Variants in ANKRD17 observed in about 807,000 individuals in gnomAD.
ANKRD17 encodes ankyrin repeat domain-containing protein 17.
ANKRD17 carries 19 observed loss-of-function variants against 229.7 expected under a neutral mutation model. The ratio of observed to expected loss-of-function variants is 0.08; its 90% CI spans 0.06 to 0.12. The LOEUF is 0.12. ANKRD17 is among the 10% of genes least tolerant of loss of function. ANKRD17 has a pLI of 1.00. For missense variants in ANKRD17, 2,176 were observed against 3,176.8 expected (o/e 0.68, Z 7.57); for synonymous variants, 1,112 against 1,146.1 (o/e 0.97, Z 0.60).
chr4:73,171,178 G>GGGGGGA (rs1553928534), intron 2 of ANKRD17, among the ~76,000 whole-genome samples: 1 of 104,446 alleles, frequency 9.6e-6, no homozygotes, highest in African/African-American at 4.0e-5. Flanking sequence ...CTCAGAGGGG[G>GGGGGGA]GAGAGAGAGA....
In ANKRD17 at chr4:73,193,901, T is replaced by C. The variant is rs566614990; in HGVS notation, c.394-16368A>G. Among the ~76,000 whole-genome samples, 125 of 152,264 alleles carry C rather than the reference T, an allele frequency of 8.2e-4. 2 individuals carry two copies. Among genetic ancestry groups the C allele is most frequent in the Non-Finnish European group, 1.6e-3 (107 of 68,016 alleles). The stretch of plus-strand genomic sequence containing the variant: ...GACCCATGATTGCGACACTGCACTC[T>C]AGCCTGGGTGACAGAGTGAAACCTT... On this transcript the variant is annotated intron_variant, in intron 1 of 33. Coordinates refer to ENST00000358602, the MANE Select transcript of ANKRD17 (RefSeq NM_032217.5).
intron 16 of ANKRD17, among the ~76,000 whole-genome samples, chr4:73,133,327 A>G (rs531097770): frequency 5.9e-5 from 9 of 152,106 alleles, no homozygotes; most frequent in Non-Finnish European, 8.8e-5. Context: ...AGTTCAAACC[A>G]ATTCTACAAT....
chr4:73,251,096 C>T (rs570907342), intron 1 of ANKRD17, among the ~76,000 whole-genome samples: 61 of 152,100 alleles, frequency 4.0e-4, no homozygotes, highest in African/African-American at 1.3e-3. Context: ...CAAAGTGAGA[C>T]GCCATCTCTA....
intron 29 of ANKRD17, 101 bp from the exon 30 acceptor site, chr4:73,085,547 T>C: frequency 9.5e-7 from 1 of 1,053,962 alleles, no homozygotes; most frequent in Non-Finnish European, 1.4e-6. Context: ...AAAACTATTT[T>C]AGATAATTAA....
At chr4:73,080,244 A>G (rs1012700534) in intron 30 of ANKRD17, among the ~76,000 whole-genome samples, 1 of 152,204 alleles carries the variant, frequency 6.6e-6, no homozygotes, top group Non-Finnish European at 1.5e-5. Context: ...ATTCCAAATA[A>G]GCCTATTATA....
At chr4:73,226,133 G>A (rs1342363037) in intron 1 of ANKRD17, among the ~76,000 whole-genome samples, 4 of 150,774 alleles carry the variant, frequency 2.7e-5, no homozygotes, top group African/African-American at 4.9e-5. Context: ...GTGCCACCAC[G>A]CCCATCTAAC....
chr4:73,077,804 T>C (rs1256851319), intron 31 of ANKRD17, among the ~76,000 whole-genome samples: 6 of 152,082 alleles, frequency 3.9e-5, no homozygotes, highest in African/African-American at 4.8e-5. Flanking sequence ...GTCCTTAATA[T>C]GATGAAAGGA....
intron 1 of ANKRD17, among the ~76,000 whole-genome samples, chr4:73,215,612 G>A (rs914268618): frequency 4.6e-5 from 7 of 152,210 alleles, no homozygotes; most frequent in Admixed American, 2.0e-4. Context: ...ATTTTACTAT[G>A]ACCAATATTA....
Position 73,258,456 on chromosome 4 carries a change from GTGC to G in ANKRD17, c.210_212del (p.Gln70del). 6.2e-7 allele frequency: 1 copy of G among 1,607,634 alleles called. No homozygotes were observed. Among genetic ancestry groups the G allele is most frequent in the Admixed American group, 1.7e-5 (1 of 59,296 alleles). Reference sequence around the variant, plus strand: ...AAGTCCGGTTACGCTTGGCCTTGTGGTGCTGCTGCTGCGGCGGCTTCTTCTTCA... The same window carrying G: ...AAGTCCGGTTACGCTTGGCCTTGTGGTGCTGCTGCGGCGGCTTCTTCTTCA... On this transcript the variant is annotated inframe_deletion, in exon 1 of 34. Coordinates refer to ENST00000358602, the MANE Select transcript of ANKRD17 (RefSeq NM_032217.5).
intron 1 of ANKRD17, among the ~76,000 whole-genome samples, chr4:73,197,800 G>A (rs563645242): frequency 0.019 from 2,907 of 152,218 alleles, 94 homozygotes; most frequent in African/African-American, 0.066. Flanking sequence ...TTGGGCAACA[G>A]AGCAAGAGCC....
In ANKRD17 at chr4:73,120,914, A is replaced by G. The variant is rs1305944371; in HGVS notation, c.3816T>C (p.Leu1272=). 1 of 1,613,508 alleles carries G rather than the reference A, an allele frequency of 6.2e-7. No individual in the cohort carries two copies. The highest frequency in any genetic ancestry group is 1.1e-5 in the South Asian group (1 of 91,038). ...QGRTEVVSLL[L]DRKANVEHRA... is the part of the protein sequence containing the mutation. The stretch of plus-strand genomic sequence containing the variant: ...TGTGTTCAACATTTGCTTTTCTATC[A>G]AGCAGAAGACTAACCACTTCAGTTC... The change falls in exon 20 of 34, where the codon CTT becomes CTC. Residue 1272 remains leucine, a synonymous_variant. Transcript: ENST00000358602.
chr4:73,189,328 TTC>T (rs1329992457), intron 1 of ANKRD17, among the ~76,000 whole-genome samples: 2 of 151,838 alleles, frequency 1.3e-5, no homozygotes, highest in African/African-American at 4.8e-5. Context: ...TTTTTTCTGT[TTC>T]TCTGTCACAA....
chr4:73,161,299 T>C lies in ANKRD17; in HGVS notation c.597A>G (p.Glu199=), dbSNP rs1732493778. Residue 199 remains glutamate, a synonymous_variant, in exon 3 of 34, where the codon GAA becomes GAG. Coordinates refer to ENST00000358602, the MANE Select transcript of ANKRD17 (RefSeq NM_032217.5). ...CAGACGATGTCAACCTCCGAAGTAC[T>C]TCAGGATCTGCAAAGGCTTTACCAT... The part of the protein sequence containing the change: ...TADGKAFADP[E]VLRRLTSSVS... 6.2e-7 allele frequency: 1 copy of C among 1,614,218 alleles called. No homozygotes were observed. Among genetic ancestry groups the C allele is most frequent in the African/African-American group, 1.3e-5 (1 of 75,052 alleles).
At chr4:73,176,285 A>G (rs1221122903) in intron 2 of ANKRD17, among the ~76,000 whole-genome samples, 1 of 152,212 alleles carries the variant, frequency 6.6e-6, no homozygotes, top group Non-Finnish European at 1.5e-5. Context: ...TGACTTATCC[A>G]AAAGACAGGC....
intron 1 of ANKRD17, among the ~76,000 whole-genome samples, chr4:73,257,987 G>A (rs1327864568): frequency 2.7e-5 from 3 of 111,230 alleles, no homozygotes; most frequent in Non-Finnish European, 5.0e-5. Flanking sequence ...CGTGCAAACA[G>A]GGAATCTAAC....
intron 28 of ANKRD17, among the ~76,000 whole-genome samples, chr4:73,092,628 G>A (rs1722898983): frequency 6.6e-6 from 1 of 151,986 alleles, no homozygotes; most frequent in Non-Finnish European, 1.5e-5. Flanking sequence ...ACTACAGTTA[G>A]AAAAACCACT....
chr4:73,078,690 C>A lies in ANKRD17; in HGVS notation c.7360G>T (p.Val2454Leu), dbSNP rs954888651. 1 of 1,614,206 alleles carries A rather than the reference C, an allele frequency of 6.2e-7. No individual in the cohort carries two copies. The highest frequency in any genetic ancestry group is 8.5e-7 in the Non-Finnish European group (1 of 1,180,032). ...SVIGSNLSTS[V>L]GHSGIWSFEG... ...AAGGACCAGATGCCACTATGTCCTA[C>A]TGATGTAGACAAATTGCTCCCAATA... is the stretch of plus-strand genomic sequence containing the variant. The change falls in exon 31 of 34, where the codon GTA becomes TTA. Residue 2454 changes from valine (V) to leucine (L), a missense_variant. By Grantham distance (32) the Val-to-Leu change is conservative (BLOSUM62 1). Transcript: ENST00000358602.
In ANKRD17 at chr4:73,113,918, A is replaced by G; in HGVS notation, c.4285-10T>C. The G allele has an allele frequency of 1.3e-6, 2 of 1,583,040 alleles. No homozygotes were observed. The highest frequency in any genetic ancestry group is 1.7e-6 in the Non-Finnish European group (2 of 1,157,198). Reference sequence around the variant, plus strand: ...ACTTCTTCAGCATCTCCTATAATGAAAAATTAAGATTTTTCCAGGCTCACA... The same window carrying G: ...ACTTCTTCAGCATCTCCTATAATGAGAAATTAAGATTTTTCCAGGCTCACA... On this transcript the variant is annotated splice_polypyrimidine_tract_variant and intron_variant, in intron 23 of 33. Coordinates refer to ENST00000358602, the MANE Select transcript of ANKRD17 (RefSeq NM_032217.5).
intron 1 of ANKRD17, among the ~76,000 whole-genome samples, chr4:73,221,471 T>C (rs1741843252): frequency 6.6e-6 from 1 of 152,152 alleles, no homozygotes; most frequent in East Asian, 1.9e-4. Context: ...AGAAAAATTG[T>C]CAAATAGATT....
Sources: allele counts gnomAD v4.1 joint callset (sites outside exome capture counted in the v4.1 genomes callset), GRCh38; gene constraint gnomAD v4.1.1; transcripts MANE v1.5; gene names NCBI Gene and HGNC (gene_info 2026-07-23, HGNC 2026-07-21).